The following PCDH11Y variants were observed in gnomAD, a reference collection of about 807,000 sequenced individuals.
PCDH11Y encodes the protein protocadherin-11 Y-linked.
For synonymous variants in PCDH11Y, 9 were observed against 83.6 expected (o/e 0.11, Z 4.87); for missense variants, 12 against 224.8 (o/e 0.05, Z 6.05).
chrY:5,541,910 A>G, intron 3 of PCDH11Y, among the ~76,000 whole-genome samples: 1 of 31,193 alleles, frequency 3.2e-5, no homozygotes. Flanking sequence ...CACAACTGTC[A>G]AAACACCTGG....
At chrY:5,266,297 G>T (rs1371992771) in intron 2 of PCDH11Y, among the ~76,000 whole-genome samples, 1 of 33,244 alleles carries the variant, frequency 3.0e-5, no homozygotes, top group Non-Finnish European at 7.4e-5. Context: ...AGCACTTTGG[G>T]AGGCTGAGGT....
intron 3 of PCDH11Y, among the ~76,000 whole-genome samples, chrY:5,521,733 G>C: frequency 3.2e-5 from 1 of 31,311 alleles, no homozygotes; most frequent in Non-Finnish European, 7.7e-5. Flanking sequence ...AATTTGCCTT[G>C]TCAAGCTCAT....
At chrY:5,435,326 T>G (rs2053273347) in intron 2 of PCDH11Y, among the ~76,000 whole-genome samples, 1 of 25,868 alleles carries the variant, frequency 3.9e-5, no homozygotes, top group African/African-American at 1.6e-4. Flanking sequence ...TTTTTTTTTT[T>G]TTTTTGAGAC....
chrY:5,517,993 A>G (rs2124689746), intron 3 of PCDH11Y, among the ~76,000 whole-genome samples: 7 of 33,233 alleles, frequency 2.1e-4, no homozygotes, highest in Middle Eastern at 0.014. Flanking sequence ...ATATAGTAGG[A>G]GTTCAAATAG....
chrY:5,672,304 T>C, intron 4 of PCDH11Y, among the ~76,000 whole-genome samples: 1 of 32,178 alleles, frequency 3.1e-5, no homozygotes, highest in Non-Finnish European at 7.7e-5. Flanking sequence ...TTGAAAGTAT[T>C]CCATCTACCT....
At chrY:5,741,444 C>T (rs2053617400) in exon 5 of PCDH11Y, 1 of 31,874 alleles carries the variant, frequency 3.1e-5, no homozygotes, top group African/African-American at 1.2e-4. Flanking sequence ...TGTGTATACT[C>T]CCTAATACAC....
At chrY:5,613,117 C>T (rs1227330981) in intron 4 of PCDH11Y, among the ~76,000 whole-genome samples, 1 of 31,857 alleles carries the variant, frequency 3.1e-5, no homozygotes, top group South Asian at 7.1e-4. Flanking sequence ...CCAACCACCT[C>T]GGCCTCCCAA....
chrY:5,688,676 A>T, intron 4 of PCDH11Y, among the ~76,000 whole-genome samples: 1 of 31,225 alleles, frequency 3.2e-5, no homozygotes, highest in Non-Finnish European at 7.7e-5. Context: ...TATAGAAAAC[A>T]TTAAAAATAA....
At chrY:5,098,310 G>A (rs766467662) in exon 2 of PCDH11Y, 1 of 395,665 alleles carries the variant, frequency 2.5e-6, no homozygotes, top group East Asian at 9.3e-5. Flanking sequence ...GGGAAGAGAA[G>A]GATACCTATG....
At chrY:5,360,139 A>C in intron 2 of PCDH11Y, among the ~76,000 whole-genome samples, 1 of 32,800 alleles carries the variant, frequency 3.0e-5, no homozygotes, top group African/African-American at 1.2e-4. Flanking sequence ...AGGAGTGATA[A>C]AATATGTCCC....
chrY:5,356,745 CGTG>C (rs2053166462), intron 2 of PCDH11Y, among the ~76,000 whole-genome samples: 1 of 27,991 alleles, frequency 3.6e-5, no homozygotes, highest in African/African-American at 1.4e-4. Flanking sequence ...ATTAGCTGGG[CGTG>C]GTGGTGGGGG....
intron 4 of PCDH11Y, among the ~76,000 whole-genome samples, chrY:5,588,271 A>G (rs2053457726): frequency 3.1e-5 from 1 of 32,479 alleles, no homozygotes; most frequent in Non-Finnish European, 7.6e-5. Context: ...TCTTATTTAT[A>G]TATTGTTATA....
chrY:5,523,279 G>C, intron 3 of PCDH11Y, among the ~76,000 whole-genome samples: 1 of 32,430 alleles, frequency 3.1e-5, no homozygotes, highest in African/African-American at 1.2e-4. Context: ...TTTATACATA[G>C]GACTGGTGGC....
chrY:5,336,260 T>A, intron 2 of PCDH11Y, among the ~76,000 whole-genome samples: 1 of 32,439 alleles, frequency 3.1e-5, no homozygotes. Context: ...TGCTCATTTT[T>A]CTTTTATTTA....
At chrY:5,217,289 T>C in intron 2 of PCDH11Y, among the ~76,000 whole-genome samples, 1 of 30,934 alleles carries the variant, frequency 3.2e-5, no homozygotes, top group Admixed American at 3.1e-4. Context: ...CTTAGTTTGC[T>C]CACAGCTTGA....
intron 2 of PCDH11Y, among the ~76,000 whole-genome samples, chrY:5,217,466 T>C: frequency 3.0e-5 from 1 of 33,661 alleles, no homozygotes; most frequent in Non-Finnish European, 7.3e-5. Context: ...AACTATCAGA[T>C]ATCGCTTCAC....
chrY:5,175,980 C>A, intron 2 of PCDH11Y, among the ~76,000 whole-genome samples: 1 of 10,498 alleles, frequency 9.5e-5, no homozygotes, highest in South Asian at 2.9e-3. Flanking sequence ...AACTAGTTTA[C>A]AGTCCCACCA....
intron 1 of PCDH11Y, among the ~76,000 whole-genome samples, chrY:5,029,376 A>T: frequency 3.6e-5 from 1 of 28,160 alleles, no homozygotes; most frequent in East Asian, 9.3e-4. Context: ...GGTCTTTATT[A>T]AAGGCAGAGA....
intron 2 of PCDH11Y, among the ~76,000 whole-genome samples, chrY:5,202,509 C>G: frequency 3.0e-5 from 1 of 33,213 alleles, no homozygotes; most frequent in South Asian, 6.9e-4. Context: ...AACCCTCCAC[C>G]CTTTCCCCAG....
Sources: allele counts gnomAD v4.1 joint callset (sites outside exome capture counted in the v4.1 genomes callset), GRCh38; gene constraint gnomAD v4.1.1; transcripts MANE v1.5; gene names NCBI Gene and HGNC (gene_info 2026-07-23, HGNC 2026-07-21).